PTK7: variants seen among roughly 807,000 people sequenced by gnomAD.
PTK7 encodes the protein inactive tyrosine-protein kinase 7.
PTK7 carries 39 observed loss-of-function variants against 116.6 expected under a neutral mutation model. The ratio of observed to expected loss-of-function variants is 0.33; its 90% CI spans 0.26 to 0.44. PTK7 has a LOEUF of 0.44. Among genes scored for constraint, PTK7 ranks in the 20% least tolerant of loss-of-function variants. PTK7 has a pLI of 1.00. For missense variants in PTK7, 1,169 were observed against 1,425.6 expected (o/e 0.82, Z 2.90); for synonymous variants, 546 against 563.6 (o/e 0.97, Z 0.44).
chr6:43,099,782 G>T (rs1390624126), intron 1 of PTK7, among the ~76,000 whole-genome samples: 1 of 152,192 alleles, frequency 6.6e-6, no homozygotes, highest in Non-Finnish European at 1.5e-5. Flanking sequence ...ATTTATTAAA[G>T]AATCTGGCTG....
Position 43,139,067 on chromosome 6 carries a change from C to G in PTK7, c.1363-69C>G, listed in dbSNP as rs1770222969. The G allele has an allele frequency of 1.1e-5, 17 of 1,609,732 alleles. No individual in the cohort carries two copies. Among genetic ancestry groups the G allele is most frequent in the Non-Finnish European group, 1.4e-5 (16 of 1,177,344 alleles). On this transcript the variant is annotated intron_variant, in intron 8 of 19. Transcript: ENST00000230419. This position sits in a 1 kb window ranked among gnomAD's most constrained non-coding sequence, Gnocchi z 4.6. ...TGTGCTCACCTCCATAGCACTCTTA[C>G]CCTGGAGGCAGCCTCCAGGGAGAGG...
Position 43,076,982 on chromosome 6 carries a change from C to G in PTK7, c.79+415C>G, listed in dbSNP as rs1419018882. 1 of 1,494,728 alleles carries G rather than the reference C, an allele frequency of 6.7e-7. No individual in the cohort carries two copies. The highest frequency in any genetic ancestry group is 8.9e-7 in the Non-Finnish European group (1 of 1,119,890). 92.6% of individuals were successfully genotyped at this position (1,494,728 alleles called of 1,614,324 possible). A position where few individuals can be genotyped will look rare whatever the true frequency, so the allele number is the denominator to read the frequency against. On this transcript the variant is annotated intron_variant, in intron 1 of 19. Transcript: ENST00000230419. The surrounding 1 kb of genome is among the most constrained non-coding windows in gnomAD (Gnocchi z 5.7). The stretch of plus-strand genomic sequence containing the variant: ...TCCCCACCCCACCCGGCAGGGTCGG[C>G]CCAGGTAAGAGTTGCTGGTTTGGGG...
At chr6:43,083,911 T>C (rs1033595234) in intron 1 of PTK7, among the ~76,000 whole-genome samples, 5 of 152,126 alleles carry the variant, frequency 3.3e-5, no homozygotes, top group African/African-American at 1.2e-4. Flanking sequence ...TAGGAAGGTG[T>C]AGATATGTGT....
In PTK7 at chr6:43,076,924, C is replaced by T; in HGVS notation, c.79+357C>T. On this transcript the variant is annotated intron_variant, in intron 1 of 19. Transcript: ENST00000230419. This position sits in a 1 kb window ranked among gnomAD's most constrained non-coding sequence, Gnocchi z 5.7. ...TCGGGGGAGAAAAGACCATCCGCAC[C>T]CACCGTGGGGAGCGCGATGGAGAAA... 1 of 1,515,532 alleles carries T rather than the reference C, an allele frequency of 6.6e-7. No homozygotes were observed. Among genetic ancestry groups the T allele is most frequent in the Non-Finnish European group, 8.8e-7 (1 of 1,132,360 alleles). The allele number at this position is 1,515,532 out of a possible 1,614,324, so 93.9% of individuals were successfully genotyped here.
chr6:43,110,086 T>C (rs1045388090), intron 1 of PTK7, among the ~76,000 whole-genome samples: 6 of 149,652 alleles, frequency 4.0e-5, no homozygotes, highest in Admixed American at 6.8e-5. Flanking sequence ...AACCTCCGTC[T>C]CCTAGGTTCC....
At chr6:43,155,962 C>T (rs1259659199) in intron 17 of PTK7, among the ~76,000 whole-genome samples, 8 of 152,094 alleles carry the variant, frequency 5.3e-5, no homozygotes, top group Admixed American at 5.2e-4. Flanking sequence ...GGCGTGGTGG[C>T]TCACGCCTGT....
intron 1 of PTK7, among the ~76,000 whole-genome samples, chr6:43,093,248 G>C (rs1054200414): frequency 2.9e-5 from 4 of 137,116 alleles, no homozygotes; most frequent in Non-Finnish European, 6.0e-5. Context: ...GGAGTGCAAC[G>C]GCACAATCTC....
intron 3 of PTK7, 95 bp from the exon 4 acceptor site, chr6:43,130,135 A>T: frequency 7.7e-7 from 1 of 1,303,398 alleles, no homozygotes; most frequent in Non-Finnish European, 1.0e-6. Flanking sequence ...CCATGTATAA[A>T]CTGAAAGGTC....
At chr6:43,126,434 C>T (rs1339485722) in intron 1 of PTK7, among the ~76,000 whole-genome samples, 8 of 152,182 alleles carry the variant, frequency 5.3e-5, no homozygotes, top group Non-Finnish European at 1.0e-4. Context: ...AGAAGTACCC[C>T]GTGAACCAGT....
In PTK7 at chr6:43,159,715, A is replaced by G. The variant is rs527436908; in HGVS notation, c.2874-73A>G. 6 of 1,505,010 alleles carry G rather than the reference A, an allele frequency of 4.0e-6. No homozygotes were observed. The African/African-American group carries it at 6.9e-5, about 17-fold the overall frequency. 93.2% of individuals were successfully genotyped at this position (1,505,010 alleles called of 1,614,324 possible). A position where few individuals can be genotyped will look rare whatever the true frequency, so the allele number is the denominator to read the frequency against. ...CCCCCGGCTTGGGGATGCGTTCCAGATGGGGAGATGAGGGTGCAGCGCCAG... is the reference window on the plus strand; with the variant it reads ...CCCCCGGCTTGGGGATGCGTTCCAGGTGGGGAGATGAGGGTGCAGCGCCAG... On this transcript the variant is annotated intron_variant, in intron 18 of 19. Coordinates refer to ENST00000230419, the MANE Select transcript of PTK7 (RefSeq NM_002821.5).
At chr6:43,111,906 C>G (rs1010800134) in intron 1 of PTK7, among the ~76,000 whole-genome samples, 1 of 151,360 alleles carries the variant, frequency 6.6e-6, no homozygotes, top group African/African-American at 2.4e-5. Flanking sequence ...GGTCTTGAAC[C>G]CCTGAGCTCA....
intron 17 of PTK7, among the ~76,000 whole-genome samples, chr6:43,151,211 C>CTTTTTT (rs11398367): frequency 7.0e-6 from 1 of 141,878 alleles, no homozygotes. Flanking sequence ...CACCTGCCTT[C>CTTTTTT]TTTTTTTTTT....
At chr6:43,147,939 C>G (rs1770820375) in intron 17 of PTK7, among the ~76,000 whole-genome samples, 1 of 152,164 alleles carries the variant, frequency 6.6e-6, no homozygotes, top group Non-Finnish European at 1.5e-5. Context: ...TGACTCCTCA[C>G]TGAGCCAGGT....
At chr6:43,116,036 A>G (rs1105024) in intron 1 of PTK7, among the ~76,000 whole-genome samples, 27,026 of 150,868 alleles carry the variant, frequency 0.18, 3,630 homozygotes, top group East Asian at 0.37. Context: ...CCAAGCTCGT[A>G]GCTCTTCTAA....
Position 43,141,552 on chromosome 6 carries a change from C to T in PTK7, c.1619-116C>T, listed in dbSNP as rs1011604050. The T allele has an allele frequency of 6.2e-6, 8 of 1,283,650 alleles. No individual in the cohort carries two copies. In the Admixed American group the frequency reaches 1.7e-4, roughly 27 times the overall value. The allele number at this position is 1,283,650 out of a possible 1,614,324, so 79.5% of individuals were successfully genotyped here. ...CTTGGCTCAGGAGTTTGGACTTTGC[C>T]TGTGGGTGGTCAGGAGCGATGGTGT... On this transcript the variant is annotated intron_variant, in intron 10 of 19. Transcript: ENST00000230419. The surrounding 1 kb of genome is among the most constrained non-coding windows in gnomAD (Gnocchi z 4.9).
chr6:43,158,721 A>G (rs1191708838), intron 17 of PTK7, 96 bp from the exon 18 acceptor site: 12 of 1,356,366 alleles, frequency 8.8e-6, no homozygotes, highest in Non-Finnish European at 1.2e-5. Context: ...TACGCAGCAC[A>G]CCAATAGTGT....
chr6:43,090,560 TAC>T (rs1766889662), intron 1 of PTK7, among the ~76,000 whole-genome samples: 1 of 152,182 alleles, frequency 6.6e-6, no homozygotes, highest in African/African-American at 2.4e-5. Flanking sequence ...AGGTGGGTTG[TAC>T]AAAGACCCTA....
At chr6:43,091,944 C>T (rs1766977391) in intron 1 of PTK7, among the ~76,000 whole-genome samples, 1 of 152,078 alleles carries the variant, frequency 6.6e-6, no homozygotes, top group African/African-American at 2.4e-5. Context: ...CTCACTCCAA[C>T]CTCCACCTCC....
intron 6 of PTK7, 28 bp from the exon 7 acceptor site, chr6:43,132,393 G>A (rs772862898): frequency 2.6e-6 from 4 of 1,542,700 alleles, no homozygotes; most frequent in Non-Finnish European, 3.5e-6. Context: ...CAATAATTGG[G>A]CCATTCCTCC....
Sources: allele counts gnomAD v4.1 joint callset (sites outside exome capture counted in the v4.1 genomes callset), GRCh38; gene constraint gnomAD v4.1.1; non-coding constraint Gnocchi (gnomAD v3.1); transcripts MANE v1.5; gene names NCBI Gene and HGNC (gene_info 2026-07-23, HGNC 2026-07-21).